FANCD2: variants seen among roughly 807,000 people sequenced by gnomAD.
FANCD2 encodes FA complementation group D2.
In FANCD2, 131 loss-of-function variants were observed where a neutral mutation model predicts 192.3. The ratio of observed to expected loss-of-function variants is 0.68; its 90% confidence interval spans 0.59 to 0.79. The LOEUF is 0.79. Among genes scored for constraint, FANCD2 ranks in the 30% least tolerant of loss-of-function variants. The pLI, the probability that FANCD2 is intolerant of heterozygous loss-of-function variation, is 0.00. For synonymous variants in FANCD2, 524 were observed against 612.5 expected (o/e 0.86, Z 2.13); for missense variants, 1,508 against 1,701.6 (o/e 0.89, Z 2.00).
At chr3:10,061,450 C>G (rs184945990) in intron 19 of FANCD2, among the ~76,000 whole-genome samples, 2 of 152,308 alleles carry the variant, frequency 1.3e-5, no homozygotes, top group Admixed American at 1.3e-4. Flanking sequence ...TGAAGCCATA[C>G]TGGTTGCCCA....
chr3:10,065,398 G>C lies in FANCD2; in HGVS notation c.2173G>C (p.Val725Leu). The C allele has an allele frequency of 6.2e-7, 1 of 1,609,540 alleles. No individual in the cohort carries two copies. The highest frequency in any genetic ancestry group is 8.5e-7 in the Non-Finnish European group (1 of 1,175,804). ...VTSQESGQKL[V>L]SPLCLAPYFR... ...AAATTTATTTCTCCTTCTCAGATTG[G>C]TGTCTCCGCTGTGCCTGGCTCCGTA... Residue 725 changes from valine (V) to leucine (L), a missense_variant, in exon 24 of 44, where the codon GTG becomes CTG. Val to Leu is a conservative substitution (Grantham distance 32). Around this residue, in one of 5 missense-constraint regions of FANCD2, gnomAD observed 796 missense variants for 879.4 expected, o/e 0.91. Coordinates refer to ENST00000675286, the MANE Select transcript of FANCD2 (RefSeq NM_001018115.3).
intron 20 of FANCD2, 48 bp from the exon 21 acceptor site, chr3:10,063,744 G>C: frequency 6.2e-7 from 1 of 1,613,086 alleles, no homozygotes; most frequent in African/African-American, 1.3e-5. Flanking sequence ...TGGAGTTTGG[G>C]AAAGATTGGC....
intron 2 of FANCD2, chr3:10,032,529 A>G (rs2086629949): frequency 2.9e-6 from 1 of 341,660 alleles, no homozygotes; most frequent in Non-Finnish European, 5.5e-6. Flanking sequence ...CTGGTCTTGA[A>G]CTCCTGGCTT....
Position 10,070,073 on chromosome 3 carries a change from C to T in FANCD2, c.2494+2756C>T, listed in dbSNP as rs369364109. 8.7e-5 allele frequency among the ~76,000 whole-genome samples: 13 copies of T among 150,084 alleles called. No individual in the cohort carries two copies. The East Asian group carries it at 1.2e-3, about 14-fold the overall frequency. On this transcript the variant is annotated intron_variant, in intron 26 of 43. Transcript: ENST00000675286. ...GATGTGGGGAGCGCCTCTGCCCCACCGCCCCGTCTGGGATGTGAGGAGCGC... is the reference window on the plus strand; with the variant it reads ...GATGTGGGGAGCGCCTCTGCCCCACTGCCCCGTCTGGGATGTGAGGAGCGC...
intron 40 of FANCD2, 120 bp downstream of exon 40, chr3:10,094,483 C>T: frequency 1.2e-6 from 1 of 859,084 alleles, no homozygotes; most frequent in Non-Finnish European, 2.0e-6. Flanking sequence ...TCCACTTCAG[C>T]TGTAGCCAGA....
At chr3:10,070,253 T>G (rs1373552801) in intron 26 of FANCD2, among the ~76,000 whole-genome samples, 4 of 113,496 alleles carry the variant, frequency 3.5e-5, no homozygotes, top group Admixed American at 8.9e-5. Context: ...AAGTGAGGAG[T>G]CCCTCCGCCC....
Position 10,065,479 on chromosome 3 carries a change from A to G in FANCD2, c.2254A>G (p.Ile752Val). 3.1e-6 allele frequency: 5 copies of G among 1,608,742 alleles called. No homozygotes were observed. The highest frequency in any genetic ancestry group is 4.3e-6 in the Non-Finnish European group (5 of 1,175,164). ...ERQHNGNLEE[I>V]DGLLDCPIFL... ...ACAGCATAACGGAAACTTGGAGGAG[A>G]TTGATGGTCTACTAGGTATGGGATG... is the stretch of plus-strand genomic sequence containing the variant. Residue 752 changes from isoleucine to valine, a missense_variant, in exon 24 of 44, where the codon ATT (isoleucine) becomes GTT (valine). Coordinates refer to ENST00000675286, the MANE Select transcript of FANCD2 (RefSeq NM_001018115.3).
intron 18 of FANCD2, among the ~76,000 whole-genome samples, chr3:10,057,658 C>T (rs552270643): frequency 2.0e-5 from 3 of 152,162 alleles, no homozygotes; most frequent in South Asian, 2.1e-4. Context: ...CTACTGCTCC[C>T]GGCCTCCATT....
At chr3:10,085,633 G>T (rs187670254) in intron 32 of FANCD2, among the ~76,000 whole-genome samples, 179 bp from the exon 33 acceptor site, 4 of 151,906 alleles carry the variant, frequency 2.6e-5, no homozygotes, top group African/African-American at 7.2e-5. Flanking sequence ...CTCGTTATTC[G>T]CCCGCCTCAG....
intron 12 of FANCD2, 144 bp downstream of exon 12, chr3:10,043,294 G>A (rs2086912160): frequency 5.0e-6 from 4 of 792,844 alleles, no homozygotes; most frequent in South Asian, 4.5e-5. Flanking sequence ...ATATATGTAT[G>A]TGAGTATGTA....
At chr3:10,081,287 A>T (rs956451410) in intron 31 of FANCD2, 59 bp downstream of exon 31, 3 of 1,613,236 alleles carry the variant, frequency 1.9e-6, no homozygotes, top group Middle Eastern at 1.6e-4. Context: ...TTTGGCTGAG[A>T]AAAAGGAAAA....
rs189483244 is a variant in FANCD2 at position 10,035,088 on chromosome 3, T to G, written c.378-85T>G. On this transcript the variant is annotated intron_variant, in intron 5 of 43. Coordinates refer to ENST00000675286, the MANE Select transcript of FANCD2 (RefSeq NM_001018115.3). ...GTAGTTCCTCTTTAAATATTATGTATTTAACCAATTTTATTGAGAAAAGAT... is the reference window on the plus strand; with the variant it reads ...GTAGTTCCTCTTTAAATATTATGTAGTTAACCAATTTTATTGAGAAAAGAT... 6.9e-5 allele frequency: 81 copies of G among 1,181,896 alleles called. No homozygotes were observed. The African/African-American group carries it at 1.2e-3, about 17-fold the overall frequency. 73.2% of individuals were successfully genotyped at this position (1,181,896 alleles called of 1,614,324 possible). A position where few individuals can be genotyped will look rare whatever the true frequency, so the allele number is the denominator to read the frequency against.
At chr3:10,079,911 T>C (rs918683336) in intron 30 of FANCD2, among the ~76,000 whole-genome samples, 1 of 151,852 alleles carries the variant, frequency 6.6e-6, no homozygotes, top group African/African-American at 2.4e-5. Context: ...TCATTTTTCT[T>C]CTTCGTCTTC....
chr3:10,062,784 C>T (rs1375449829), intron 20 of FANCD2, among the ~76,000 whole-genome samples: 1 of 152,008 alleles, frequency 6.6e-6, no homozygotes, highest in Non-Finnish European at 1.5e-5. Flanking sequence ...TTCCCGGGTT[C>T]AAGCAATTCT....
At chr3:10,080,831 CT>C (rs904290986) in intron 30 of FANCD2, among the ~76,000 whole-genome samples, 4 of 152,156 alleles carry the variant, frequency 2.6e-5, no homozygotes, top group African/African-American at 4.8e-5. Flanking sequence ...ATGATTTCTA[CT>C]TTTATGTGAC....
intron 11 of FANCD2, 74 bp downstream of exon 11, chr3:10,042,737 A>G: frequency 9.1e-7 from 1 of 1,103,522 alleles, no homozygotes; most frequent in Non-Finnish European, 1.4e-6. Flanking sequence ...CCCCAGACTA[A>G]CTGAGAATAC....
intron 17 of FANCD2, among the ~76,000 whole-genome samples, chr3:10,051,074 G>A (rs1232136823): frequency 1.5e-5 from 2 of 136,770 alleles, no homozygotes; most frequent in African/African-American, 6.2e-5. Flanking sequence ...CGAGAAGAGC[G>A]AAACTGTCAA....
At chr3:10,044,256 A>G (rs918847629) in intron 14 of FANCD2, among the ~76,000 whole-genome samples, 2 of 152,118 alleles carry the variant, frequency 1.3e-5, no homozygotes, top group Admixed American at 6.6e-5. Context: ...ATGGCATTCC[A>G]TGTTTTACTT....
At chr3:10,045,677 C>G (rs1367848617) in intron 14 of FANCD2, 3 of 149,914 alleles carry the variant, frequency 2.0e-5, no homozygotes, top group Non-Finnish European at 3.0e-5. Context: ...TCTCGGCTCA[C>G]TGCAACCTCT....
Sources: gnomAD v4.1 joint callset for allele counts (sites outside exome capture counted in the v4.1 genomes callset) on GRCh38, gnomAD v4.1.1 for gene constraint, gnomAD v4.1.1 regional missense constraint, MANE v1.5 for transcripts, NCBI Gene and HGNC (gene_info 2026-07-23, HGNC 2026-07-21) for gene names.